TLK2: variants seen among roughly 807,000 people sequenced by gnomAD.
The protein encoded by TLK2 is tousled like kinase 2, also known as serine/threonine-protein kinase tousled-like 2.
Under a neutral mutation model 117.3 loss-of-function variants are expected in TLK2, and 6 were observed. That is an observed-to-expected ratio of 0.05 (90% CI 0.03 to 0.10). TLK2 has a LOEUF of 0.10. Among genes scored for constraint, TLK2 ranks in the 10% least tolerant of loss-of-function variants. The pLI is 1.00. For synonymous variants in TLK2, 257 were observed against 316.7 expected (o/e 0.81, Z 2.00); for missense variants, 299 against 901.2 (o/e 0.33, Z 8.56).
At chr17:62,600,059 G>A (rs950890214) in intron 17 of TLK2, among the ~76,000 whole-genome samples, 8 of 152,206 alleles carry the variant, frequency 5.3e-5, no homozygotes, top group African/African-American at 1.4e-4. Context: ...AAATTGTAGT[G>A]CAGTATTGTG....
At chr17:62,478,473 T>G (rs2071176915), upstream of TLK2, among the ~76,000 whole-genome samples, 1 of 149,876 alleles carries the variant, frequency 6.7e-6, no homozygotes, top group Non-Finnish European at 1.5e-5. Flanking sequence ...CGGCGGCGGG[T>G]CCTCCGGGCC....
intron 2 of TLK2, among the ~76,000 whole-genome samples, chr17:62,490,853 A>T (rs2073041499): frequency 6.6e-6 from 1 of 152,062 alleles, no homozygotes; most frequent in South Asian, 2.1e-4. Flanking sequence ...AATTTCAAAA[A>T]TTTTTCTTTA....
At position 62,564,948 on chromosome 17, in the gene TLK2, C is replaced by T. The variant is rs1274838391; in HGVS notation, c.832-53C>T. 4.5e-6 allele frequency: 7 copies of T among 1,565,752 alleles called. No homozygotes were observed. In the East Asian group the frequency reaches 9.0e-5, roughly 20 times the overall value. ...AAATGTTTTAGTTTCTAAGAAGTGT[C>T]TTTATCCATGCTAATTGGTATTGAA... On this transcript the variant is annotated intron_variant, in intron 10 of 21. Coordinates refer to ENST00000346027, the MANE Select transcript of TLK2 (RefSeq NM_006852.6).
chr17:62,577,219 A>G (rs1033695983), intron 13 of TLK2, among the ~76,000 whole-genome samples: 8 of 151,850 alleles, frequency 5.3e-5, no homozygotes, highest in African/African-American at 1.7e-4. Context: ...CGGCCTCCCA[A>G]AGTGCTGGGA....
chr17:62,489,512 A>G (rs2072877436), intron 2 of TLK2, among the ~76,000 whole-genome samples: 1 of 152,046 alleles, frequency 6.6e-6, no homozygotes, highest in East Asian at 1.9e-4. Context: ...CCCAGTCTGT[A>G]TGTTTTCTAG....
At chr17:62,546,293 G>A (rs538061682) in intron 7 of TLK2, among the ~76,000 whole-genome samples, 89 of 149,842 alleles carry the variant, frequency 5.9e-4, no homozygotes, top group Non-Finnish European at 1.2e-3. Flanking sequence ...GATTATAGGC[G>A]TGAGCCACTG....
At chr17:62,538,036 T>G (rs1375304281) in intron 7 of TLK2, among the ~76,000 whole-genome samples, 1 of 141,916 alleles carries the variant, frequency 7.0e-6, no homozygotes, top group Non-Finnish European at 1.5e-5. Flanking sequence ...AATCTTTGTT[T>G]TTTTTTTTTT....
At chr17:62,497,595 A>C (rs1277706857) in intron 2 of TLK2, among the ~76,000 whole-genome samples, 1 of 152,190 alleles carries the variant, frequency 6.6e-6, no homozygotes, top group East Asian at 1.9e-4. Flanking sequence ...TGAGAGCTTT[A>C]GATAGTTTGT....
chr17:62,488,253 C>A (rs994303833), intron 2 of TLK2, among the ~76,000 whole-genome samples: 1 of 152,140 alleles, frequency 6.6e-6, no homozygotes, highest in African/African-American at 2.4e-5. Context: ...CTTTTTCTAT[C>A]TTTTATAAAT....
chr17:62,600,954 AG>A, intron 18 of TLK2, 134 bp downstream of exon 18: 2 of 897,466 alleles, frequency 2.2e-6, no homozygotes, highest in South Asian at 3.8e-5. Flanking sequence ...TTGCCTGGGT[AG>A]GTGTGGGAAA....
intron 2 of TLK2, among the ~76,000 whole-genome samples, chr17:62,483,189 C>G (rs951194811): frequency 8.6e-5 from 13 of 151,912 alleles, no homozygotes; most frequent in Non-Finnish European, 1.6e-4. Context: ...TTTAAATGGT[C>G]CCCCCACCCC....
chr17:62,530,912 A>C (rs2076696768), intron 6 of TLK2, among the ~76,000 whole-genome samples: 1 of 152,090 alleles, frequency 6.6e-6, no homozygotes, highest in Non-Finnish European at 1.5e-5. Context: ...TTTTAACACA[A>C]TTGAGCAGTA....
In TLK2 at chr17:62,574,155, T is replaced by G. The variant is rs2080552226; in HGVS notation, c.1121+788T>G. On this transcript the variant is annotated intron_variant, in intron 12 of 21. Transcript: ENST00000346027. ...TTCACAAAAACAACACATAATCCAC[T>G]TCAGGTATAATAATACTTGTATTAT... is the stretch of plus-strand genomic sequence containing the variant. Among the ~76,000 whole-genome samples, 2 of 152,202 alleles carry G rather than the reference T, an allele frequency of 1.3e-5. 1 individual carries two copies. Among genetic ancestry groups the G allele is most frequent in the African/African-American group, 4.8e-5 (2 of 41,452 alleles).
chr17:62,539,686 C>A (rs577063874), intron 7 of TLK2, among the ~76,000 whole-genome samples: 9 of 151,968 alleles, frequency 5.9e-5, no homozygotes, highest in Non-Finnish European at 1.0e-4. Flanking sequence ...CCATGTTGGC[C>A]AGGCAACATG....
chr17:62,577,649 C>T (rs1432458438), intron 13 of TLK2, among the ~76,000 whole-genome samples: 5 of 152,194 alleles, frequency 3.3e-5, no homozygotes, highest in Non-Finnish European at 5.9e-5. Context: ...TGATAATGGT[C>T]AGTAAAGATT....
chr17:62,587,350 G>A (rs1268078643), intron 16 of TLK2, among the ~76,000 whole-genome samples: 1 of 152,162 alleles, frequency 6.6e-6, no homozygotes, highest in Non-Finnish European at 1.5e-5. Flanking sequence ...TGAAAGGAGG[G>A]GACAGGCTTT....
At chr17:62,494,892 G>A (rs1366814121) in intron 2 of TLK2, among the ~76,000 whole-genome samples, 15 of 152,170 alleles carry the variant, frequency 9.9e-5, no homozygotes, top group Non-Finnish European at 1.9e-4. Context: ...TTGGCTGGGT[G>A]TGGTGGCTCA....
intron 16 of TLK2, among the ~76,000 whole-genome samples, chr17:62,594,506 T>G (rs983979026): frequency 2.0e-5 from 3 of 152,160 alleles, no homozygotes; most frequent in African/African-American, 7.2e-5. Context: ...ACAAAACCAA[T>G]TTTACCATAG....
intron 6 of TLK2, among the ~76,000 whole-genome samples, chr17:62,535,458 A>G (rs1240923277): frequency 1.3e-5 from 2 of 152,098 alleles, no homozygotes; most frequent in African/African-American, 2.4e-5. Flanking sequence ...AGAGTGAAAT[A>G]AGCTTCACCT....
Sources: gnomAD v4.1 joint callset for allele counts (sites outside exome capture counted in the v4.1 genomes callset) on GRCh38, gnomAD v4.1.1 for gene constraint, MANE v1.5 for transcripts, NCBI Gene and HGNC (gene_info 2026-07-23, HGNC 2026-07-21) for gene names.